The following LRP12 variants were observed in gnomAD, a reference collection of about 807,000 sequenced individuals.
The protein encoded by LRP12 is LDL receptor related protein 12, also known as low-density lipoprotein receptor-related protein 12.
Under a neutral mutation model 66.0 loss-of-function variants are expected in LRP12, and 14 were observed. That is an observed-to-expected ratio of 0.21 (90% CI 0.14 to 0.33). The LOEUF (loss-of-function observed/expected upper bound fraction) is 0.33. Among genes scored for constraint, LRP12 ranks in the 10% least tolerant of loss-of-function variants. LRP12 has a pLI of 1.00. For missense variants in LRP12, 889 were observed against 1,053.4 expected, an observed-to-expected ratio of 0.84 and a Z score of 2.16; for synonymous variants, 357 against 359.1, an observed-to-expected ratio of 0.99 and a Z score of 0.07.
In LRP12 at chr8:104,589,186, G is replaced by A. The variant is rs1183005859; in HGVS notation, c.-289C>T. On this transcript the variant is annotated 5_prime_UTR_variant, in exon 1 of 7. Coordinates refer to ENST00000276654, the MANE Select transcript of LRP12 (RefSeq NM_013437.5). ...GCAAGGAGCTCGCGCGCCAGCGCGA[G>A]ACGAGAGGGTGGCGGACGCCGGACT... Among the ~76,000 whole-genome samples the A allele has an allele frequency of 2.0e-5, 3 of 150,708 alleles. No individual in the cohort carries two copies. The highest frequency in any genetic ancestry group is 7.3e-5 in the African/African-American group (3 of 41,270).
In LRP12 at chr8:104,569,432, T is replaced by C. The variant is rs146181797; in HGVS notation, c.79+19387A>G. ...AGTTCATCATTTAAAATTGTTATTT[T>C]TTAAAAAGCATAATACACTACAACC... On this transcript the variant is annotated intron_variant, in intron 1 of 6. Transcript: ENST00000276654. Among the ~76,000 whole-genome samples the C allele has an allele frequency of 4.6e-3, 694 of 152,270 alleles. 9 individuals carry two copies. The highest frequency in any genetic ancestry group is 0.016 in the African/African-American group (665 of 41,572).
At chr8:104,519,141 T>C (rs1811112805) in intron 2 of LRP12, among the ~76,000 whole-genome samples, 1 of 152,084 alleles carries the variant, frequency 6.6e-6, no homozygotes, top group Non-Finnish European at 1.5e-5. Context: ...GTATCTTGAC[T>C]GTGTTTGTTG....
chr8:104,495,805 A>G, intron 5 of LRP12: 1 of 152,598 alleles, frequency 6.6e-6, no homozygotes, highest in Non-Finnish European at 1.5e-5. Flanking sequence ...GCCTGTAATC[A>G]CAGCTACTTG....
At chr8:104,491,748 T>C (rs1416553150) in intron 6 of LRP12, among the ~76,000 whole-genome samples, 2 of 152,192 alleles carry the variant, frequency 1.3e-5, no homozygotes, top group Non-Finnish European at 2.9e-5. Flanking sequence ...ACTTGAATCA[T>C]TGTTTGTTTA....
chr8:104,546,601 A>G (rs1811561191), intron 1 of LRP12, among the ~76,000 whole-genome samples: 1 of 152,120 alleles, frequency 6.6e-6, no homozygotes, highest in South Asian at 2.1e-4. Flanking sequence ...TTCTACAGCT[A>G]GTAAGTGGCA....
At chr8:104,516,974 A>G (rs1811079251) in intron 2 of LRP12, among the ~76,000 whole-genome samples, 1 of 152,016 alleles carries the variant, frequency 6.6e-6, no homozygotes, top group Admixed American at 6.6e-5. Flanking sequence ...TGAGACTAAA[A>G]GTTATGTGAA....
intron 1 of LRP12, among the ~76,000 whole-genome samples, chr8:104,532,694 T>A (rs1219869592): frequency 6.6e-6 from 1 of 152,122 alleles, no homozygotes; most frequent in Non-Finnish European, 1.5e-5. Context: ...AGAATTTTCT[T>A]TCATGGTTGA....
chr8:104,529,224 CTA>C (rs1811290881), intron 2 of LRP12, among the ~76,000 whole-genome samples: 2 of 152,022 alleles, frequency 1.3e-5, no homozygotes, highest in South Asian at 4.2e-4. Flanking sequence ...AGAGGGGAGA[CTA>C]TGTGAAGACA....
chr8:104,520,648 C>T (rs1191481254), intron 2 of LRP12, among the ~76,000 whole-genome samples: 1 of 152,032 alleles, frequency 6.6e-6, no homozygotes, highest in African/African-American at 2.4e-5. Context: ...TTGCTTGGTT[C>T]TGGATACTGT....
At chr8:104,548,197 T>TATATAA (rs1811639638) in intron 1 of LRP12, among the ~76,000 whole-genome samples, 1 of 85,164 alleles carries the variant, frequency 1.2e-5, no homozygotes, top group Non-Finnish European at 2.0e-5. Flanking sequence ...TATATATAAA[T>TATATAA]ATATGATATA....
intron 1 of LRP12, among the ~76,000 whole-genome samples, chr8:104,579,162 G>A (rs1307605905): frequency 6.6e-6 from 1 of 152,152 alleles, no homozygotes; most frequent in African/African-American, 2.4e-5. Flanking sequence ...CAAATGACAT[G>A]ATCCTATATG....
chr8:104,548,151 T>A (rs1189684098), intron 1 of LRP12, among the ~76,000 whole-genome samples: 28 of 70,634 alleles, frequency 4.0e-4, no homozygotes, highest in Non-Finnish European at 2.0e-4. Context: ...TTATATTATA[T>A]ATTAATAATT....
At chr8:104,559,456 A>G (rs1467685930) in intron 1 of LRP12, among the ~76,000 whole-genome samples, 1 of 151,994 alleles carries the variant, frequency 6.6e-6, no homozygotes, top group Non-Finnish European at 1.5e-5. Context: ...GACTCGGGGG[A>G]AAAGAGTGAG....
chr8:104,505,949 C>T (rs569669359), intron 3 of LRP12: 2 of 152,262 alleles, frequency 1.3e-5, no homozygotes, highest in Admixed American at 6.5e-5. Flanking sequence ...GCATTTCCTA[C>T]ACTTATAAAC....
chr8:104,582,522 G>C (rs1453191368), intron 1 of LRP12, among the ~76,000 whole-genome samples: 1 of 152,052 alleles, frequency 6.6e-6, no homozygotes, highest in Admixed American at 6.6e-5. Flanking sequence ...TTTAACTTTG[G>C]CAAAAAGGTA....
chr8:104,578,622 C>A (rs1208444520), intron 1 of LRP12, among the ~76,000 whole-genome samples: 13 of 151,976 alleles, frequency 8.6e-5, no homozygotes, highest in Admixed American at 8.5e-4. Flanking sequence ...AACTTACTGG[C>A]AACAAAAGAA....
At chr8:104,564,681 A>G (rs924194138) in intron 1 of LRP12, among the ~76,000 whole-genome samples, 1 of 152,148 alleles carries the variant, frequency 6.6e-6, no homozygotes, top group African/African-American at 2.4e-5. Flanking sequence ...CTGTAATTCC[A>G]GCACTTTGGG....
intron 1 of LRP12, among the ~76,000 whole-genome samples, chr8:104,568,854 A>G (rs112009011): frequency 1.5e-4 from 23 of 152,200 alleles, no homozygotes; most frequent in African/African-American, 5.3e-4. Flanking sequence ...TGCCCTTTGG[A>G]AAAGAGTTTG....
rs1456681275 is a variant in LRP12, at chr8:104,526,890, C to G, written c.136+5017G>C. 2.1e-5 allele frequency among the ~76,000 whole-genome samples: 3 copies of G among 143,634 alleles called. No individual in the cohort carries two copies. In the East Asian group the frequency reaches 5.9e-4, roughly 28 times the overall value. 94.2% of individuals were successfully genotyped at this position (143,634 alleles called of 152,430 possible). On this transcript the variant is annotated intron_variant, in intron 2 of 6. Coordinates refer to ENST00000276654, the MANE Select transcript of LRP12 (RefSeq NM_013437.5). ...CAAAAGAAACTACCATCAGAGTGAA[C>G]AGGCAACCTACAAAATGGGAGAAAA...
Sources: gnomAD v4.1 joint callset for allele counts (sites outside exome capture counted in the v4.1 genomes callset) on GRCh38, gnomAD v4.1.1 for gene constraint, MANE v1.5 for transcripts, NCBI Gene and HGNC (gene_info 2026-07-23, HGNC 2026-07-21) for gene names.